Variants in CHCHD3 observed in about 807,000 individuals in gnomAD.
The protein encoded by CHCHD3 is MICOS complex subunit MIC19.
A neutral mutation model predicts 38.2 loss-of-function variants in CHCHD3; 20 were observed. The ratio of observed to expected loss-of-function variants is 0.52; its 90% CI spans 0.37 to 0.76. The LOEUF is 0.76. Among genes scored for constraint, CHCHD3 ranks in the 30% least tolerant of loss-of-function variants. The pLI is 0.00. For synonymous variants in CHCHD3, 82 were observed against 100.0 expected (o/e 0.82, Z 1.07); for missense variants, 245 against 279.2 (o/e 0.88, Z 0.87).
At chr7:132,963,414 G>A (rs970065570) in intron 4 of CHCHD3, among the ~76,000 whole-genome samples, 4 of 138,990 alleles carry the variant, frequency 2.9e-5, no homozygotes, top group African/African-American at 1.1e-4. Context: ...GGCGGATCAC[G>A]AGGTCGGGAG....
At chr7:132,907,374 T>A (rs1370307883) in intron 4 of CHCHD3, among the ~76,000 whole-genome samples, 1 of 151,966 alleles carries the variant, frequency 6.6e-6, no homozygotes, top group Admixed American at 6.6e-5. Context: ...GCAACCATAA[T>A]AGAATATAAT....
chr7:132,915,812 C>T (rs1016811192), intron 4 of CHCHD3, among the ~76,000 whole-genome samples: 2 of 152,106 alleles, frequency 1.3e-5, no homozygotes, highest in African/African-American at 4.8e-5. Context: ...CCTATTGCTA[C>T]CTAGCCAATC....
chr7:132,973,975 G>T (rs528268456), intron 4 of CHCHD3: 11 of 1,287,416 alleles, frequency 8.5e-6, no homozygotes, highest in Non-Finnish European at 1.1e-5. Context: ...CCGAAGTGGA[G>T]GCTAAGCAGT....
intron 3 of CHCHD3, among the ~76,000 whole-genome samples, chr7:132,979,493 G>C (rs1417511435): frequency 6.6e-6 from 1 of 152,168 alleles, no homozygotes; most frequent in African/African-American, 2.4e-5. Context: ...AAGTTAGGTA[G>C]GTATCTATGA....
rs975718676 is a variant in CHCHD3 at position 132,838,689 on chromosome 7, G to A, written c.454-220C>T. ...TGCGGATTATAATTACAGAGTAAAC[G>A]TTCACAGTTACAATTCCTTATCATT... On this transcript the variant is annotated intron_variant, in intron 5 of 7. Coordinates refer to ENST00000262570, the MANE Select transcript of CHCHD3 (RefSeq NM_017812.4). Among the ~76,000 whole-genome samples the A allele has an allele frequency of 4.6e-5, 7 of 152,166 alleles. No individual in the cohort carries two copies. The South Asian group carries it at 6.2e-4, about 14-fold the overall frequency.
chr7:132,928,172 T>C (rs1810419736), intron 4 of CHCHD3, among the ~76,000 whole-genome samples: 1 of 151,980 alleles, frequency 6.6e-6, no homozygotes, highest in Non-Finnish European at 1.5e-5. Flanking sequence ...ACTTGTAACA[T>C]GAAGAGAGTG....
chr7:132,895,431 G>A (rs1809469552), intron 4 of CHCHD3, among the ~76,000 whole-genome samples: 1 of 152,250 alleles, frequency 6.6e-6, no homozygotes, highest in Non-Finnish European at 1.5e-5. Context: ...AATGTCTCCA[G>A]ACATTGCGAA....
At chr7:132,908,526 T>C (rs369261134) in intron 4 of CHCHD3, among the ~76,000 whole-genome samples, 4 of 152,336 alleles carry the variant, frequency 2.6e-5, no homozygotes, top group East Asian at 3.9e-4. Flanking sequence ...CTTTCATATC[T>C]GAGGCCCTTG....
At chr7:133,031,353 T>C (rs1430673219) in intron 2 of CHCHD3, among the ~76,000 whole-genome samples, 4 of 152,172 alleles carry the variant, frequency 2.6e-5, no homozygotes, top group East Asian at 1.9e-4. Flanking sequence ...CTCCAAAAGA[T>C]GGAAGGACTT....
intron 4 of CHCHD3, among the ~76,000 whole-genome samples, chr7:132,900,345 A>G (rs1031740672): frequency 1.5e-5 from 2 of 131,172 alleles, no homozygotes; most frequent in Non-Finnish European, 3.3e-5. Context: ...AGGGAGAGAG[A>G]TAATTTCAGT....
At chr7:132,890,285 G>C (rs975574299) in intron 4 of CHCHD3, among the ~76,000 whole-genome samples, 2 of 152,164 alleles carry the variant, frequency 1.3e-5, no homozygotes, top group African/African-American at 4.8e-5. Flanking sequence ...TTTCAGAATA[G>C]ACTTGAAGGG....
chr7:132,913,385 G>A (rs909014169), intron 4 of CHCHD3, among the ~76,000 whole-genome samples: 3 of 152,204 alleles, frequency 2.0e-5, no homozygotes, highest in Non-Finnish European at 2.9e-5. Context: ...TCTGGAGTCA[G>A]AAAAGGCTTC....
At chr7:132,843,076 C>G (rs12539810) in intron 5 of CHCHD3, among the ~76,000 whole-genome samples, 1 of 151,980 alleles carries the variant, frequency 6.6e-6, no homozygotes, top group Non-Finnish European at 1.5e-5. Flanking sequence ...CTCACTCTTT[C>G]GCCCAGGCTG....
At chr7:132,811,051 G>A (rs1295395857) in intron 6 of CHCHD3, among the ~76,000 whole-genome samples, 1 of 151,920 alleles carries the variant, frequency 6.6e-6, no homozygotes, top group Non-Finnish European at 1.5e-5. Flanking sequence ...TGGCTAATGT[G>A]CTGGCCTGTT....
At chr7:132,888,975 G>T (rs1809291685) in intron 4 of CHCHD3, among the ~76,000 whole-genome samples, 1 of 151,952 alleles carries the variant, frequency 6.6e-6, no homozygotes, top group Non-Finnish European at 1.5e-5. Context: ...GATATATGTA[G>T]TGGGATATAT....
chr7:133,010,890 G>T (rs1812851442), intron 3 of CHCHD3, among the ~76,000 whole-genome samples: 1 of 151,960 alleles, frequency 6.6e-6, no homozygotes, highest in Non-Finnish European at 1.5e-5. Flanking sequence ...TTATATTCCA[G>T]TGCAGGAGAC....
At chr7:132,903,945 A>G (rs774379886) in intron 4 of CHCHD3, among the ~76,000 whole-genome samples, 95 of 152,272 alleles carry the variant, frequency 6.2e-4, no homozygotes, top group Non-Finnish European at 1.2e-3. Context: ...GTCTGATGCC[A>G]TATTTCTCAG....
At chr7:132,934,260 C>G (rs773085359) in intron 4 of CHCHD3, among the ~76,000 whole-genome samples, 1 of 152,086 alleles carries the variant, frequency 6.6e-6, no homozygotes. Flanking sequence ...AATGCTACTG[C>G]TCTACACACC....
intron 3 of CHCHD3, among the ~76,000 whole-genome samples, chr7:132,979,741 A>G (rs894904153): frequency 2.0e-5 from 3 of 152,244 alleles, no homozygotes; most frequent in African/African-American, 4.8e-5. Context: ...TTTCAATGGT[A>G]TACTGACTGA....
Sources: gnomAD v4.1 joint callset for allele counts (sites outside exome capture counted in the v4.1 genomes callset) on GRCh38, gnomAD v4.1.1 for gene constraint, MANE v1.5 for transcripts, NCBI Gene and HGNC (gene_info 2026-07-23, HGNC 2026-07-21) for gene names.